The following SEPTIN11 variants were observed in gnomAD, a reference collection of about 807,000 sequenced individuals.
The protein encoded by SEPTIN11 is septin-11.
SEPTIN11 carries 25 observed loss-of-function variants against 51.4 expected under a neutral mutation model. That is an observed-to-expected ratio of 0.49 (90% CI 0.35 to 0.68). The LOEUF (loss-of-function observed/expected upper bound fraction) is 0.68. Ranked by LOEUF, SEPTIN11 falls within the 30% of genes least tolerant of loss-of-function variation. SEPTIN11 has a pLI of 0.00. For missense variants in SEPTIN11, 381 were observed against 520.8 expected (o/e 0.73, Z 2.61); for synonymous variants, 174 against 184.1 (o/e 0.95, Z 0.44).
intron 5 of SEPTIN11, among the ~76,000 whole-genome samples, chr4:77,015,644 A>G (rs1350329606): frequency 6.6e-6 from 1 of 152,198 alleles, no homozygotes; most frequent in Admixed American, 6.5e-5. Flanking sequence ...GTGAGCTGCA[A>G]TGACTCTGCA....
At chr4:77,013,650 T>C (rs1006415114) in intron 4 of SEPTIN11, among the ~76,000 whole-genome samples, 1 of 152,222 alleles carries the variant, frequency 6.6e-6, no homozygotes, top group Non-Finnish European at 1.5e-5. Flanking sequence ...AGCCCAAGCA[T>C]GGTGAGCTTA....
chr4:76,986,588 A>C (rs1454405661), intron 1 of SEPTIN11, among the ~76,000 whole-genome samples: 1 of 152,216 alleles, frequency 6.6e-6, no homozygotes, highest in Non-Finnish European at 1.5e-5. Flanking sequence ...CACACAGCTA[A>C]ACTATGAAAG....
At position 77,016,599 on chromosome 4, in the gene SEPTIN11, C is replaced by CAT. The variant is rs1291542782; in HGVS notation, c.687+1594_687+1595dup. On this transcript the variant is annotated intron_variant, in intron 5 of 9. Coordinates refer to ENST00000264893, the MANE Select transcript of SEPTIN11 (RefSeq NM_018243.4). ...TATATATAGCATATATATACACACACATATATATATATACACATATATATA... is the reference window on the plus strand; with the variant it reads ...TATATATAGCATATATATACACACACATATATATATATATACACATATATATA... Among the ~76,000 whole-genome samples, 112 of 62,446 alleles carry CAT rather than the reference C, an allele frequency of 1.8e-3. 1 individual carries two copies. In the East Asian group the frequency reaches 0.035, roughly 20 times the overall value. The allele number at this position is 62,446 out of a possible 152,430, so 41.0% of individuals were successfully genotyped here.
chr4:77,011,126 T>G (rs901973740), intron 3 of SEPTIN11, among the ~76,000 whole-genome samples: 1 of 152,184 alleles, frequency 6.6e-6, no homozygotes, highest in African/African-American at 2.4e-5. Context: ...TTATGGATTA[T>G]GCACAGGGCT....
At chr4:77,023,999 C>T (rs1356457328) in intron 7 of SEPTIN11, among the ~76,000 whole-genome samples, 3 of 152,162 alleles carry the variant, frequency 2.0e-5, no homozygotes, top group Admixed American at 6.5e-5. Flanking sequence ...GAAGTTCATC[C>T]TTCCCAGTGA....
chr4:77,037,461 GC>G lies in SEPTIN11; in HGVS notation c.*2951del. On this transcript the variant is annotated 3_prime_UTR_variant, in exon 10 of 10. Coordinates refer to ENST00000264893, the MANE Select transcript of SEPTIN11 (RefSeq NM_018243.4). Reference sequence around the variant, plus strand: ...CCTTGATTCTGGCAAGGCAAATAAAGCCAGAATGAGAAATTACCATCTTCTA... The same window carrying G: ...CCTTGATTCTGGCAAGGCAAATAAAGCAGAATGAGAAATTACCATCTTCTA... The G allele has an allele frequency of 1.0e-6, 1 of 985,294 alleles. No individual in the cohort carries two copies. The highest frequency in any genetic ancestry group is 1.2e-6 in the Non-Finnish European group (1 of 829,884). The allele number at this position is 985,294 out of a possible 1,614,324, so 61.0% of individuals were successfully genotyped here.
intron 7 of SEPTIN11, among the ~76,000 whole-genome samples, chr4:77,027,714 A>C (rs1726279397): frequency 6.6e-6 from 1 of 152,170 alleles, no homozygotes; most frequent in South Asian, 2.1e-4. Flanking sequence ...AAAGAGAGAA[A>C]TAGCACTTTA....
chr4:76,961,637 A>G (rs960582382), intron 1 of SEPTIN11, among the ~76,000 whole-genome samples: 6 of 152,234 alleles, frequency 3.9e-5, no homozygotes, highest in African/African-American at 1.4e-4. Flanking sequence ...AAAATCATCT[A>G]ACACAAGCCT....
chr4:76,958,435 C>T (rs1721656792), intron 1 of SEPTIN11, among the ~76,000 whole-genome samples: 1 of 152,206 alleles, frequency 6.6e-6, no homozygotes, highest in Non-Finnish European at 1.5e-5. Context: ...CTTCCCTCTT[C>T]CCCTGTTTCA....
chr4:76,968,543 ATCTTTCTAAAAGGTTGATTTAGGCTG>A (rs1381940154), intron 1 of SEPTIN11, among the ~76,000 whole-genome samples: 14 of 152,370 alleles, frequency 9.2e-5, no homozygotes, highest in African/African-American at 3.4e-4. Context: ...TTTAGAAAAC[ATCTTTCTAAAAGGTTGATTTAGGCTG>A]TCTTTCTAAT....
intron 1 of SEPTIN11, among the ~76,000 whole-genome samples, chr4:76,962,179 C>G (rs1299083931): frequency 1.3e-5 from 2 of 152,170 alleles, no homozygotes; most frequent in South Asian, 4.1e-4. Context: ...AATAAACAAA[C>G]TGGAAATTAT....
intron 1 of SEPTIN11, among the ~76,000 whole-genome samples, chr4:76,981,088 G>T (rs1722750128): frequency 6.6e-6 from 1 of 152,156 alleles, no homozygotes; most frequent in Non-Finnish European, 1.5e-5. Context: ...AACCTTTTGT[G>T]CTTTGTGGTA....
Position 77,035,949 on chromosome 4 carries a change from C to T in SEPTIN11, c.*1437C>T. On this transcript the variant is annotated 3_prime_UTR_variant, in exon 10 of 10. Transcript: ENST00000264893. ...ATAACATTTCTCATGAACCCACTGC[C>T]CCTCTGCATTTTCCTCACTGGTTAG... 1.0e-6 allele frequency: 1 copy of T among 985,888 alleles called. No homozygotes were observed. Among genetic ancestry groups the T allele is most frequent in the Non-Finnish European group, 1.2e-6 (1 of 829,956 alleles). The allele number at this position is 985,888 out of a possible 1,614,324, so 61.1% of individuals were successfully genotyped here. A position where few individuals can be genotyped will look rare whatever the true frequency, so the allele number is the denominator to read the frequency against.
chr4:76,977,127 G>C (rs1722538087), intron 1 of SEPTIN11, among the ~76,000 whole-genome samples: 1 of 152,202 alleles, frequency 6.6e-6, no homozygotes. Flanking sequence ...TCAAGAGAGA[G>C]AGAATATGGC....
intron 1 of SEPTIN11, among the ~76,000 whole-genome samples, chr4:76,968,759 T>G (rs1385038227): frequency 6.6e-6 from 1 of 152,176 alleles, no homozygotes; most frequent in African/African-American, 2.4e-5. Flanking sequence ...GTCCTAGTAG[T>G]GGGTTGAACC....
intron 1 of SEPTIN11, among the ~76,000 whole-genome samples, chr4:76,981,041 G>A (rs1722746218): frequency 6.6e-6 from 1 of 152,170 alleles, no homozygotes; most frequent in African/African-American, 2.4e-5. Context: ...TGTGGAATTG[G>A]ACCCGATCTT....
rs145482398 is a variant in SEPTIN11 at position 77,037,232 on chromosome 4, C to T, written c.*2720C>T. 0.024 allele frequency: 13,309 copies of T among 554,250 alleles called. 204 individuals are homozygous for T. Among genetic ancestry groups the T allele is most frequent in the East Asian group, 0.095 (651 of 6,818 alleles). The allele number at this position is 554,250 out of a possible 1,614,324, so 34.3% of individuals were successfully genotyped here. ...CAAAAATTAGCCAGGCGTGGTGGCA[C>T]GTGCCTGTAGTCCCAGCTACTTGGG... is the stretch of plus-strand genomic sequence containing the variant. On this transcript the variant is annotated 3_prime_UTR_variant, in exon 10 of 10. Coordinates refer to ENST00000264893, the MANE Select transcript of SEPTIN11 (RefSeq NM_018243.4).
intron 8 of SEPTIN11, 106 bp downstream of exon 8, chr4:77,028,867 A>G: frequency 8.0e-7 from 1 of 1,256,838 alleles, no homozygotes; most frequent in Non-Finnish European, 1.1e-6. Flanking sequence ...TTCTACATGC[A>G]TTTTGTCACG....
chr4:76,986,209 A>G (rs1723020723), intron 1 of SEPTIN11, among the ~76,000 whole-genome samples: 1 of 152,058 alleles, frequency 6.6e-6, no homozygotes, highest in African/African-American at 2.4e-5. Flanking sequence ...GCATGCTAAT[A>G]CATGTTATTC....
Sources: gnomAD v4.1 joint callset for allele counts (sites outside exome capture counted in the v4.1 genomes callset) on GRCh38, gnomAD v4.1.1 for gene constraint, MANE v1.5 for transcripts, NCBI Gene and HGNC (gene_info 2026-07-23, HGNC 2026-07-21) for gene names.